The following TMEM178B variants were observed in gnomAD, a reference collection of about 807,000 sequenced individuals.
The protein encoded by TMEM178B is transmembrane protein 178B.
In TMEM178B, 5 loss-of-function variants were observed where a neutral mutation model predicts 31.0. The observed-to-expected ratio is 0.16, with a 90% CI of 0.08 to 0.34. The LOEUF is 0.34. Among genes scored for constraint, TMEM178B ranks in the 10% least tolerant of loss-of-function variants. The pLI is 1.00. For synonymous variants in TMEM178B, 164 were observed against 164.0 expected, an observed-to-expected ratio of 1.00 and a Z score of 0.00; for missense variants, 275 against 400.3, an observed-to-expected ratio of 0.69 and a Z score of 2.67.
chr7:141,304,340 C>T (rs1007958303), intron 2 of TMEM178B, among the ~76,000 whole-genome samples: 3 of 152,068 alleles, frequency 2.0e-5, no homozygotes, highest in Non-Finnish European at 2.9e-5. Flanking sequence ...GGCAGAGCTC[C>T]GTTCTTCTGA....
At chr7:141,118,914 T>C (rs1290204830) in intron 1 of TMEM178B, among the ~76,000 whole-genome samples, 1 of 152,210 alleles carries the variant, frequency 6.6e-6, no homozygotes, top group Non-Finnish European at 1.5e-5. Context: ...AAAACAGATG[T>C]GCTAATTATG....
intron 3 of TMEM178B, among the ~76,000 whole-genome samples, chr7:141,449,329 C>A (rs1801820068): frequency 6.6e-6 from 1 of 152,082 alleles, no homozygotes; most frequent in African/African-American, 2.4e-5. Context: ...GAGGAGTTTT[C>A]TCTCTCCTGT....
At chr7:141,252,649 A>C (rs1000756481) in intron 2 of TMEM178B, among the ~76,000 whole-genome samples, 1 of 152,206 alleles carries the variant, frequency 6.6e-6, no homozygotes, top group African/African-American at 2.4e-5. Flanking sequence ...GTAGTAGCTG[A>C]TGTGTTATTA....
In TMEM178B at chr7:141,142,221, A is replaced by T. The variant is rs1056414429; in HGVS notation, c.382+67529A>T. Reference sequence around the variant, plus strand: ...AGCTGTATCCATGTTGCTGCAAAGGACACAATTTCAGCTTTTTCATGGCTG... The same window carrying T: ...AGCTGTATCCATGTTGCTGCAAAGGTCACAATTTCAGCTTTTTCATGGCTG... On this transcript the variant is annotated intron_variant, in intron 1 of 3. Coordinates refer to ENST00000565468, the MANE Select transcript of TMEM178B (RefSeq NM_001195278.2). 2.8e-5 allele frequency among the ~76,000 whole-genome samples: 4 copies of T among 144,692 alleles called. No individual in the cohort carries two copies. In the East Asian group the frequency reaches 7.7e-4, roughly 28 times the overall value. The allele number at this position is 144,692 out of a possible 152,430, so 94.9% of individuals were successfully genotyped here. A position where few individuals can be genotyped will look rare whatever the true frequency, so the allele number is the denominator to read the frequency against.
At chr7:141,179,524 AT>A (rs939370285) in intron 1 of TMEM178B, among the ~76,000 whole-genome samples, 12 of 151,676 alleles carry the variant, frequency 7.9e-5, no homozygotes, top group Admixed American at 2.0e-4. Context: ...CTCTTTATTG[AT>A]TTTTTTTTCC....
chr7:141,496,834 GTC>G, the TMEM178B span, among the ~76,000 whole-genome samples: 2 of 152,094 alleles, frequency 1.3e-5, no homozygotes, highest in African/African-American at 2.4e-5. Context: ...TCAATGTTGA[GTC>G]TCTGTGTTTG....
At chr7:141,374,529 G>A (rs974183332) in intron 2 of TMEM178B, among the ~76,000 whole-genome samples, 6 of 152,198 alleles carry the variant, frequency 3.9e-5, no homozygotes, top group African/African-American at 1.4e-4. Context: ...GAGAGAGCTG[G>A]CCTAGAGGTA....
intron 2 of TMEM178B, among the ~76,000 whole-genome samples, chr7:141,284,293 C>T (rs1194447186): frequency 6.6e-6 from 1 of 152,168 alleles, no homozygotes; most frequent in African/African-American, 2.4e-5. Context: ...TATCTACATC[C>T]TCCTTAAATT....
At chr7:141,277,380 G>T (rs903345503) in intron 2 of TMEM178B, among the ~76,000 whole-genome samples, 5 of 151,986 alleles carry the variant, frequency 3.3e-5, no homozygotes, top group African/African-American at 7.3e-5. Flanking sequence ...CCTGCATAGG[G>T]TTGGGATCAT....
intron 3 of TMEM178B, among the ~76,000 whole-genome samples, chr7:141,440,370 C>T (rs1216573439): frequency 6.6e-6 from 1 of 152,224 alleles, no homozygotes; most frequent in Non-Finnish European, 1.5e-5. Context: ...GGACCCCACT[C>T]CAGACCCATC....
chr7:141,100,042 A>T (rs1396672047), intron 1 of TMEM178B, among the ~76,000 whole-genome samples: 1 of 152,000 alleles, frequency 6.6e-6, no homozygotes, highest in Non-Finnish European at 1.5e-5. Flanking sequence ...GATGGTCTCG[A>T]TCTCCTGACC....
intron 2 of TMEM178B, among the ~76,000 whole-genome samples, chr7:141,311,283 A>G (rs971678821): frequency 6.6e-6 from 1 of 152,224 alleles, no homozygotes; most frequent in African/African-American, 2.4e-5. Context: ...CATCCTGCAC[A>G]TGTATCCTGG....
At chr7:141,334,245 C>T (rs541357552) in intron 2 of TMEM178B, among the ~76,000 whole-genome samples, 8 of 152,128 alleles carry the variant, frequency 5.3e-5, no homozygotes, top group Non-Finnish European at 7.4e-5. Flanking sequence ...GATGTGTGTT[C>T]GAGTCCTGTC....
At chr7:141,339,479 G>A (rs971024291) in intron 2 of TMEM178B, among the ~76,000 whole-genome samples, 1 of 152,086 alleles carries the variant, frequency 6.6e-6, no homozygotes, top group African/African-American at 2.4e-5. Context: ...GGCCAAGCAG[G>A]GGGTCAGAAA....
chr7:141,179,501 A>T (rs923979330), intron 1 of TMEM178B, among the ~76,000 whole-genome samples: 2 of 151,968 alleles, frequency 1.3e-5, no homozygotes, highest in Admixed American at 1.3e-4. Context: ...ATGCAGTGTC[A>T]CTGGAAACTA....
At chr7:141,434,482 CTGTT>C (rs1473701007) in intron 2 of TMEM178B, among the ~76,000 whole-genome samples, 1 of 152,188 alleles carries the variant, frequency 6.6e-6, no homozygotes, top group African/African-American at 2.4e-5. Flanking sequence ...TTTATACCTC[CTGTT>C]TGTTTATTTT....
At position 141,458,941 on chromosome 7, in the gene TMEM178B, A is replaced by C. The variant is rs150908331; in HGVS notation, c.635-11595A>C. Among the ~76,000 whole-genome samples the C allele has an allele frequency of 5.6e-3, 860 of 152,316 alleles. 1 individual carries two copies. Among genetic ancestry groups the C allele is most frequent in the Non-Finnish European group, 8.9e-3 (607 of 68,018 alleles). On this transcript the variant is annotated intron_variant, in intron 3 of 3. Coordinates refer to ENST00000565468, the MANE Select transcript of TMEM178B (RefSeq NM_001195278.2). ...CAAACACCTCAGCAATCACATAACAATTTAAGAAAGGGGAATGAGGGGACA... is the reference window on the plus strand; with the variant it reads ...CAAACACCTCAGCAATCACATAACACTTTAAGAAAGGGGAATGAGGGGACA...
intron 1 of TMEM178B, among the ~76,000 whole-genome samples, chr7:141,135,379 G>A (rs942225000): frequency 6.6e-6 from 1 of 152,176 alleles, no homozygotes; most frequent in East Asian, 1.9e-4. Flanking sequence ...AGACCAAATG[G>A]ATGTGACAGA....
chr7:141,430,732 T>TA (rs1367670273), intron 2 of TMEM178B, among the ~76,000 whole-genome samples: 1 of 152,196 alleles, frequency 6.6e-6, no homozygotes, highest in Non-Finnish European at 1.5e-5. Flanking sequence ...ATCCCGTGGC[T>TA]AGCAGGTTCA....
Sources: gnomAD v4.1 joint callset for allele counts (sites outside exome capture counted in the v4.1 genomes callset) on GRCh38, gnomAD v4.1.1 for gene constraint, MANE v1.5 for transcripts, NCBI Gene and HGNC (gene_info 2026-07-23, HGNC 2026-07-21) for gene names.